The following CUBN variants were observed in gnomAD, a reference collection of about 807,000 sequenced individuals.
The protein encoded by CUBN is cubilin.
CUBN carries 282 observed loss-of-function variants against 405.3 expected under a neutral mutation model. That is an observed-to-expected ratio of 0.70 (90% CI 0.63 to 0.77). CUBN has a LOEUF of 0.77. Among genes scored for constraint, CUBN ranks in the 30% least tolerant of loss-of-function variants. The pLI, the probability that CUBN is intolerant of heterozygous loss-of-function variation, is 0.00. For missense variants in CUBN, 4,514 were observed against 4,475.2 expected, an observed-to-expected ratio of 1.01 and a Z score of -0.25; for synonymous variants, 1,684 against 1,617.0, an observed-to-expected ratio of 1.04 and a Z score of -0.99.
Position 16,883,008 on chromosome 10 carries a change from T to C in CUBN, c.8905+5409A>G, listed in dbSNP as rs546015046. ...CAGCCTGGGCAACAGAGCAAGACTC[T>C]GTGAAGAAAAGAAAAGAAAAGAAAG... On this transcript the variant is annotated intron_variant, in intron 56 of 66. Coordinates refer to ENST00000377833, the MANE Select transcript of CUBN (RefSeq NM_001081.4). Among the ~76,000 whole-genome samples, 13 of 141,672 alleles carry C rather than the reference T, an allele frequency of 9.2e-5. No individual in the cohort carries two copies. The South Asian group carries it at 2.4e-3, about 26-fold the overall frequency. The allele number at this position is 141,672 out of a possible 152,430, so 92.9% of individuals were successfully genotyped here. A position where few individuals can be genotyped will look rare whatever the true frequency, so the allele number is the denominator to read the frequency against.
intron 31 of CUBN, among the ~76,000 whole-genome samples, chr10:16,958,754 C>A (rs908317291): frequency 6.6e-6 from 1 of 152,206 alleles, no homozygotes; most frequent in African/African-American, 2.4e-5. Context: ...GTAGCAGCGT[C>A]TTCTCTCTCC....
Position 17,087,472 on chromosome 10 carries a change from C to CTTTGTTTTTTTTTTTTTTT in CUBN, c.1947+691_1947+692insAAAAAAAAAAAAAAACAAA, listed in dbSNP as rs1202786680. Among the ~76,000 whole-genome samples the CTTTGTTTTTTTTTTTTTTT allele has an allele frequency of 4.7e-4, 34 of 71,734 alleles. 1 individual carries two copies. Among genetic ancestry groups the CTTTGTTTTTTTTTTTTTTT allele is most frequent in the African/African-American group, 1.5e-3 (31 of 21,138 alleles). The allele number at this position is 71,734 out of a possible 152,430, so 47.1% of individuals were successfully genotyped here. ...CACAATCACTATTATTTTTCTTTTT[C>CTTTGTTTTTTTTTTTTTTT]TTTTTTTTTTTTTTTTTTTTTTAGA... On this transcript the variant is annotated intron_variant, in intron 15 of 66. Transcript: ENST00000377833.
intron 22 of CUBN, among the ~76,000 whole-genome samples, chr10:17,049,252 A>T (rs143728404): frequency 4.6e-5 from 7 of 152,352 alleles, no homozygotes; most frequent in African/African-American, 1.4e-4. Context: ...AAAAAAGGAC[A>T]TCAAATGAAA....
At chr10:16,871,200 T>C (rs973500133) in intron 58 of CUBN, among the ~76,000 whole-genome samples, 2 of 151,560 alleles carry the variant, frequency 1.3e-5, no homozygotes, top group Non-Finnish European at 2.9e-5. Context: ...GCTATTTTTT[T>C]TAATTACATG....
At chr10:16,907,791 A>C (rs1286367942) in intron 48 of CUBN, 112 bp from the exon 49 acceptor site, 2 of 1,060,240 alleles carry the variant, frequency 1.9e-6, no homozygotes, top group Non-Finnish European at 2.9e-6. Context: ...CCCTGCCCCA[A>C]AATGAATGAC....
intron 22 of CUBN, among the ~76,000 whole-genome samples, chr10:17,055,716 A>G (rs1387840016): frequency 1.3e-5 from 2 of 152,292 alleles, no homozygotes; most frequent in Non-Finnish European, 2.9e-5. Flanking sequence ...TAACAAGTTT[A>G]ATAGAAACAT....
intron 21 of CUBN, among the ~76,000 whole-genome samples, chr10:17,066,540 A>G (rs1184592426): frequency 6.6e-6 from 1 of 152,128 alleles, no homozygotes; most frequent in East Asian, 1.9e-4. Flanking sequence ...TGTGAAAAAA[A>G]ATTTAATATC....
intron 5 of CUBN, 124 bp downstream of exon 5, chr10:17,123,464 A>C (rs778858082): frequency 1.4e-4 from 111 of 802,408 alleles, no homozygotes; most frequent in Non-Finnish European, 2.0e-4. Flanking sequence ...GTATATTTCA[A>C]TTTGATTTGG....
At position 17,076,537 on chromosome 10, in the gene CUBN, G is replaced by A. The variant is rs543555560; in HGVS notation, c.2302-4566C>T. Among the ~76,000 whole-genome samples the A allele has an allele frequency of 6.6e-5, 10 of 150,710 alleles. No homozygotes were observed. In the East Asian group the frequency reaches 2.0e-3, roughly 29 times the overall value. On this transcript the variant is annotated intron_variant, in intron 17 of 66. Coordinates refer to ENST00000377833, the MANE Select transcript of CUBN (RefSeq NM_001081.4). ...TTATGCTCATGAACTGGGATGGATGGCATTATTTTACATAGTTATTCACTT... is the reference window on the plus strand; with the variant it reads ...TTATGCTCATGAACTGGGATGGATGACATTATTTTACATAGTTATTCACTT...
At chr10:16,827,963 C>T (rs1221535056) in intron 66 of CUBN, among the ~76,000 whole-genome samples, 2 of 152,212 alleles carry the variant, frequency 1.3e-5, no homozygotes, top group Admixed American at 6.5e-5. Context: ...ATTGAATCAA[C>T]GTCAGATTCT....
intron 53 of CUBN, 34 bp from the exon 54 acceptor site, chr10:16,899,217 G>C: frequency 6.4e-7 from 1 of 1,561,674 alleles, no homozygotes; most frequent in Admixed American, 1.7e-5. Context: ...CCATCAATCA[G>C]CAAGGAAAGT....
chr10:17,050,071 C>A (rs189438644), intron 22 of CUBN, among the ~76,000 whole-genome samples: 24 of 152,210 alleles, frequency 1.6e-4, no homozygotes, highest in Admixed American at 8.5e-4. Context: ...ACTCTCCCTA[C>A]TCCATTCAGT....
At chr10:16,849,983 C>T (rs565069154) in intron 60 of CUBN, among the ~76,000 whole-genome samples, 3 of 152,226 alleles carry the variant, frequency 2.0e-5, no homozygotes, top group Admixed American at 1.3e-4. Context: ...TTTCTTGCTA[C>T]TCTTTAGCAC....
intron 50 of CUBN, among the ~76,000 whole-genome samples, chr10:16,904,534 C>T (rs918619638): frequency 1.3e-5 from 2 of 152,226 alleles, no homozygotes; most frequent in Non-Finnish European, 2.9e-5. Flanking sequence ...GATTTCTTCA[C>T]TATATTCAAT....
In CUBN at chr10:16,888,578, C is replaced by G. The variant is rs759049921; in HGVS notation, c.8756-12G>C. On this transcript the variant is annotated splice_polypyrimidine_tract_variant and intron_variant, in intron 55 of 66. Transcript: ENST00000377833. ...ATTACTTCCACATCCTATGTGGGAA[C>G]AAAAAGTCATCATCAGATCATTTAT... is the stretch of plus-strand genomic sequence containing the variant. The G allele has an allele frequency of 6.2e-7, 1 of 1,611,792 alleles. No individual in the cohort carries two copies. The highest frequency in any genetic ancestry group is 1.1e-5 in the South Asian group (1 of 91,014).
chr10:17,060,208 G>A (rs1035022253), intron 22 of CUBN, among the ~76,000 whole-genome samples: 4 of 151,460 alleles, frequency 2.6e-5, no homozygotes, highest in Admixed American at 6.6e-5. Context: ...CGCAACCTCC[G>A]CCTCCCAGGT....
intron 47 of CUBN, among the ~76,000 whole-genome samples, 155 bp from the exon 48 acceptor site, chr10:16,914,147 TAC>T (rs1176423163): frequency 6.6e-6 from 1 of 152,268 alleles, no homozygotes; most frequent in East Asian, 1.9e-4. Flanking sequence ...AGTGAACATA[TAC>T]ATTCATTTTT....
chr10:17,107,927 T>C (rs1455677015), intron 10 of CUBN, among the ~76,000 whole-genome samples: 1 of 152,202 alleles, frequency 6.6e-6, no homozygotes, highest in African/African-American at 2.4e-5. Context: ...AATTACTTCT[T>C]TTAAAAATAT....
At chr10:17,129,057 T>G in intron 2 of CUBN, 64 bp downstream of exon 2, 4 of 1,317,924 alleles carry the variant, frequency 3.0e-6, no homozygotes, top group Non-Finnish European at 4.4e-6. Flanking sequence ...TAATCTAGAC[T>G]TGTTCAATTA....
Sources: allele counts gnomAD v4.1 joint callset (sites outside exome capture counted in the v4.1 genomes callset), GRCh38; gene constraint gnomAD v4.1.1; transcripts MANE v1.5; gene names NCBI Gene and HGNC (gene_info 2026-07-23, HGNC 2026-07-21).